Variants in LARGE1 observed in about 807,000 individuals in gnomAD.
LARGE1 encodes the protein LARGE xylosyl- and glucuronyltransferase 1, also known as xylosyl- and glucuronyltransferase LARGE1.
A neutral mutation model predicts 87.6 loss-of-function variants in LARGE1; 43 were observed. That is an observed-to-expected ratio of 0.49 (90% CI 0.38 to 0.63). The LOEUF is 0.63. Among genes scored for constraint, LARGE1 ranks in the 30% least tolerant of loss-of-function variants. LARGE1 has a pLI of 0.00. For missense variants in LARGE1, 802 were observed against 1,000.2 expected (o/e 0.80, Z 2.67); for synonymous variants, 434 against 394.6 (o/e 1.10, Z -1.18).
chr22:33,149,161 C>T, the LARGE1 span, among the ~76,000 whole-genome samples: 1 of 151,562 alleles, frequency 6.6e-6, no homozygotes, highest in Non-Finnish European at 1.5e-5. Flanking sequence ...CTCAGCCTCC[C>T]GAGTAGCTGG....
chr22:33,067,551 T>G, the LARGE1 span, among the ~76,000 whole-genome samples: 1 of 152,166 alleles, frequency 6.6e-6, no homozygotes, highest in South Asian at 2.1e-4. Context: ...TACCTCCATT[T>G]TAAAGATAGA....
chr22:33,301,772 A>G (rs1248838461), intron 12 of LARGE1, among the ~76,000 whole-genome samples: 1 of 152,254 alleles, frequency 6.6e-6, no homozygotes, highest in East Asian at 1.9e-4. Context: ...TACCACCTCA[A>G]GTGACTCTGC....
At chr22:33,193,569 T>C (rs75621051) in intron 11 of LARGE1, among the ~76,000 whole-genome samples, 4,594 of 152,144 alleles carry the variant, frequency 0.03, 95 homozygotes, top group Admixed American at 0.056. Context: ...CCCAGCACTT[T>C]GGGAGGTCAG....
chr22:33,123,753 T>G, the LARGE1 span, among the ~76,000 whole-genome samples: 1 of 152,104 alleles, frequency 6.6e-6, no homozygotes, highest in Non-Finnish European at 1.5e-5. Flanking sequence ...AGGGGAGACC[T>G]TGGAAGCTCG....
chr22:33,300,614 C>T (rs1934020201), intron 12 of LARGE1, among the ~76,000 whole-genome samples: 1 of 152,138 alleles, frequency 6.6e-6, no homozygotes, highest in Non-Finnish European at 1.5e-5. Context: ...GATGTCAGCT[C>T]ACTGCAACCT....
At chr22:33,193,296 G>A (rs1450658666) in intron 11 of LARGE1, among the ~76,000 whole-genome samples, 2 of 152,088 alleles carry the variant, frequency 1.3e-5, no homozygotes, top group African/African-American at 2.4e-5. Context: ...AAGCAAGAGA[G>A]TTTAAGGAAC....
At chr22:33,906,637 T>A (rs913075100) in intron 1 of LARGE1, among the ~76,000 whole-genome samples, 10 of 152,288 alleles carry the variant, frequency 6.6e-5, no homozygotes, top group African/African-American at 2.2e-4. Flanking sequence ...CTCTCTTAAC[T>A]GTCAGAGCCC....
intron 1 of LARGE1, among the ~76,000 whole-genome samples, chr22:33,793,013 T>G (rs2145998760): frequency 6.6e-6 from 1 of 152,350 alleles, no homozygotes; most frequent in East Asian, 1.9e-4. Context: ...CGAAAGCTGC[T>G]GAGCGTGCCC....
chr22:33,214,388 A>T (rs1395161411), intron 11 of LARGE1, among the ~76,000 whole-genome samples: 1 of 152,064 alleles, frequency 6.6e-6, no homozygotes, highest in East Asian at 1.9e-4. Flanking sequence ...TGCCCTTTAA[A>T]GTCCTGTCTA....
rs150441893 is a variant in LARGE1, at chr22:33,218,064, G to A, written c.1731-51232C>T. On this transcript the variant is annotated intron_variant, in intron 11 of 11. Coordinates refer to the LARGE1 transcript ENST00000608642. Reference sequence around the variant, plus strand: ...CCTGCCTCAGCCTCCCAAGCAGCTGGGATTACAGGTGCCTGCCACCATGCC... The same window carrying A: ...CCTGCCTCAGCCTCCCAAGCAGCTGAGATTACAGGTGCCTGCCACCATGCC... 1.4e-4 allele frequency among the ~76,000 whole-genome samples: 22 copies of A among 152,098 alleles called. 1 individual carries two copies. In the East Asian group the frequency reaches 4.3e-3, roughly 29 times the overall value.
chr22:33,868,773 A>G (rs538137475), intron 1 of LARGE1, among the ~76,000 whole-genome samples: 1 of 152,256 alleles, frequency 6.6e-6, no homozygotes, highest in East Asian at 1.9e-4. Context: ...CCAACTCATC[A>G]TGCATTTACT....
chr22:33,674,846 C>T (rs1000767909), intron 2 of LARGE1, among the ~76,000 whole-genome samples: 12 of 152,172 alleles, frequency 7.9e-5, no homozygotes, highest in African/African-American at 2.9e-4. Context: ...CACAATCTAT[C>T]TGTATGCTTG....
intron 5 of LARGE1, among the ~76,000 whole-genome samples, chr22:33,566,256 T>G (rs2078022277): frequency 1.3e-5 from 2 of 152,242 alleles, no homozygotes; most frequent in African/African-American, 4.8e-5. Context: ...CTCTTGTTTT[T>G]CTGATAGCAT....
At chr22:33,313,037 G>A (rs1464786409) in intron 11 of LARGE1, among the ~76,000 whole-genome samples, 1 of 152,156 alleles carries the variant, frequency 6.6e-6, no homozygotes, top group Non-Finnish European at 1.5e-5. Context: ...CACACAGGAT[G>A]CCAGATTTGA....
At chr22:33,736,727 T>A (rs1381306659) in intron 2 of LARGE1, among the ~76,000 whole-genome samples, 1 of 152,220 alleles carries the variant, frequency 6.6e-6, no homozygotes, top group East Asian at 1.9e-4. Context: ...TCACAAAGAT[T>A]TACTCTTATG....
chr22:33,151,607 A>G, the LARGE1 span, among the ~76,000 whole-genome samples: 1 of 152,134 alleles, frequency 6.6e-6, no homozygotes, highest in Non-Finnish European at 1.5e-5. Context: ...TATCAGATTG[A>G]GGAAGTTCAA....
intron 6 of LARGE1, among the ~76,000 whole-genome samples, chr22:33,528,248 A>G (rs745461262): frequency 6.6e-6 from 1 of 152,124 alleles, no homozygotes; most frequent in Non-Finnish European, 1.5e-5. Flanking sequence ...TATTTCTCAT[A>G]AAGGGTCGCA....
At chr22:33,595,105 G>T (rs1251583393) in intron 5 of LARGE1, among the ~76,000 whole-genome samples, 1 of 152,150 alleles carries the variant, frequency 6.6e-6, no homozygotes, top group Non-Finnish European at 1.5e-5. Context: ...CTGTGGCATG[G>T]AGTTCTTGGG....
In LARGE1 at chr22:33,183,310, C is replaced by T. The variant is rs1923271474; in HGVS notation, c.1731-16478G>A. ...TCACACTTCTTAAGATGGCTATTAT[C>T]AACAAGACAAGAGATAACAAGTGGT... On this transcript the variant is annotated intron_variant, in intron 11 of 11. Transcript: ENST00000608642. 3.9e-5 allele frequency among the ~76,000 whole-genome samples: 6 copies of T among 152,100 alleles called. 1 individual carries two copies. The South Asian group carries it at 1.2e-3, about 32-fold the overall frequency.
Sources: gnomAD v4.1 joint callset for allele counts (sites outside exome capture counted in the v4.1 genomes callset) on GRCh38, gnomAD v4.1.1 for gene constraint, MANE v1.5 for transcripts, NCBI Gene and HGNC (gene_info 2026-07-23, HGNC 2026-07-21) for gene names.